GRIP1: variants seen among roughly 807,000 people sequenced by gnomAD.
GRIP1 encodes the protein glutamate receptor interacting protein 1.
In GRIP1, 45 loss-of-function variants were observed where a neutral mutation model predicts 129.9. The ratio of observed to expected loss-of-function variants is 0.35; its 90% CI spans 0.27 to 0.44. The LOEUF is 0.44. GRIP1 is among the 20% of genes least tolerant of loss of function. GRIP1 has a pLI of 1.00. For synonymous variants in GRIP1, 530 were observed against 520.8 expected (o/e 1.02, Z -0.24); for missense variants, 1,196 against 1,396.8 (o/e 0.86, Z 2.29).
At chr12:67,011,171 C>G (rs908440728) in intron 1 of GRIP1, among the ~76,000 whole-genome samples, 1 of 152,116 alleles carries the variant, frequency 6.6e-6, no homozygotes, top group South Asian at 2.1e-4. Flanking sequence ...ATCATCATCA[C>G]CTATGAATCC....
At position 67,036,204 on chromosome 12, in the gene GRIP1, G is replaced by A. The variant is rs530286397; in HGVS notation, c.58+32846C>T. 5.3e-5 allele frequency among the ~76,000 whole-genome samples: 8 copies of A among 152,222 alleles called. No individual in the cohort carries two copies. In the South Asian group the frequency reaches 1.0e-3, roughly 20 times the overall value. ...TCATCGACAAAAAAACTTAGTAGCCGAGTTTGCATTTCACGATAACTTTTA... is the reference window on the plus strand; with the variant it reads ...TCATCGACAAAAAAACTTAGTAGCCAAGTTTGCATTTCACGATAACTTTTA... On this transcript the variant is annotated intron_variant, in intron 1 of 1. Coordinates refer to the GRIP1 transcript ENST00000643019.
intron 1 of GRIP1, among the ~76,000 whole-genome samples, chr12:66,672,639 A>G (rs1272647394): frequency 6.6e-6 from 1 of 152,104 alleles, no homozygotes; most frequent in Admixed American, 6.5e-5. Flanking sequence ...AGTGGTAAGA[A>G]ACTAAAAGAG....
In GRIP1 at chr12:67,045,828, A is replaced by T. The variant is rs1020818440; in HGVS notation, c.58+23222T>A. On this transcript the variant is annotated intron_variant, in intron 1 of 1. Transcript: ENST00000643019. ...CTCCAACACAAGTCAAATGCTGGTG[A>T]CAGGGCCGGGGCTGTCAACACTTCA... Among the ~76,000 whole-genome samples the T allele has an allele frequency of 5.3e-5, 8 of 152,208 alleles. No individual in the cohort carries two copies. The East Asian group carries it at 1.5e-3, about 29-fold the overall frequency.
intron 3 of GRIP1, among the ~76,000 whole-genome samples, chr12:66,540,536 G>A (rs1444308148): frequency 6.6e-6 from 1 of 152,158 alleles, no homozygotes; most frequent in African/African-American, 2.4e-5. Flanking sequence ...AAAGCCTAAA[G>A]AAAGCAGATT....
chr12:66,620,055 T>C lies in GRIP1; in HGVS notation c.56-23128A>G, dbSNP rs188892055. 2.7e-3 allele frequency among the ~76,000 whole-genome samples: 414 copies of C among 152,268 alleles called. 1 individual carries two copies. Among genetic ancestry groups the C allele is most frequent in the African/African-American group, 9.7e-3 (402 of 41,556 alleles). On this transcript the variant is annotated intron_variant, in intron 1 of 24. Transcript: ENST00000359742. ...TCATCCATATAATACAGATAATATATGGAGATCAAAGCTCAGAGGCATTAA... is the reference window on the plus strand; with the variant it reads ...TCATCCATATAATACAGATAATATACGGAGATCAAAGCTCAGAGGCATTAA...
At chr12:66,751,416 C>T (rs542913816) in intron 1 of GRIP1, among the ~76,000 whole-genome samples, 16 of 152,116 alleles carry the variant, frequency 1.1e-4, no homozygotes, top group African/African-American at 2.9e-4. Flanking sequence ...CATTCTGTAC[C>T]CACCCAAACC....
At chr12:66,621,928 T>G (rs1386004712) in intron 1 of GRIP1, among the ~76,000 whole-genome samples, 1 of 152,168 alleles carries the variant, frequency 6.6e-6, no homozygotes, top group Non-Finnish European at 1.5e-5. Context: ...TTTGCCCATC[T>G]TTGAGTTAGG....
intron 1 of GRIP1, among the ~76,000 whole-genome samples, chr12:66,735,424 A>G (rs535615982): frequency 6.6e-6 from 1 of 152,324 alleles, no homozygotes; most frequent in South Asian, 2.1e-4. Context: ...TGTGAAGTCA[A>G]TAATAAACAC....
intron 13 of GRIP1, among the ~76,000 whole-genome samples, chr12:66,436,438 C>T (rs1440143015): frequency 6.6e-6 from 1 of 151,268 alleles, no homozygotes; most frequent in Non-Finnish European, 1.5e-5. Flanking sequence ...AAAGTAGAAA[C>T]TTCAGGTATT....
intron 1 of GRIP1, among the ~76,000 whole-genome samples, chr12:66,942,152 A>T (rs1200914225): frequency 1.3e-5 from 2 of 152,240 alleles, no homozygotes; most frequent in African/African-American, 4.8e-5. Context: ...TGATAAGATA[A>T]ATGCATTCCA....
At chr12:66,387,895 G>T (rs2056421946) in intron 19 of GRIP1, among the ~76,000 whole-genome samples, 1 of 152,026 alleles carries the variant, frequency 6.6e-6, no homozygotes, top group Non-Finnish European at 1.5e-5. Context: ...AAATAAAGTT[G>T]GACTCTGACT....
chr12:67,064,324 C>G (rs1411989592), intron 1 of GRIP1, among the ~76,000 whole-genome samples: 1 of 152,184 alleles, frequency 6.6e-6, no homozygotes, highest in African/African-American at 2.4e-5. Context: ...TAATAAAATT[C>G]TACAAACTTC....
intron 2 of GRIP1, among the ~76,000 whole-genome samples, chr12:66,556,910 GA>G (rs567359340): frequency 6.7e-6 from 1 of 149,244 alleles, no homozygotes; most frequent in Non-Finnish European, 1.5e-5. Context: ...AGGAATGACA[GA>G]AAAAAAAATA....
Position 66,905,782 on chromosome 12 carries a change from G to A in GRIP1, c.58+163268C>T, listed in dbSNP as rs545407836. On this transcript the variant is annotated intron_variant, in intron 1 of 1. Coordinates refer to the GRIP1 transcript ENST00000643019. Reference sequence around the variant, plus strand: ...GAATGCTCTTGGCAATGCTCAGTGAGGATTTTACAAGAGTTTCTCAGGTTT... The same window carrying A: ...GAATGCTCTTGGCAATGCTCAGTGAAGATTTTACAAGAGTTTCTCAGGTTT... 4.6e-5 allele frequency among the ~76,000 whole-genome samples: 7 copies of A among 152,200 alleles called. No individual in the cohort carries two copies. The South Asian group carries it at 1.0e-3, about 23-fold the overall frequency.
intron 1 of GRIP1, among the ~76,000 whole-genome samples, chr12:66,732,590 TG>T (rs1321702728): frequency 6.6e-6 from 1 of 152,092 alleles, no homozygotes; most frequent in Non-Finnish European, 1.5e-5. Context: ...AAGACCTTTT[TG>T]ATGACACTCT....
intron 2 of GRIP1, among the ~76,000 whole-genome samples, chr12:66,579,308 G>GA (rs1308743152): frequency 6.6e-6 from 1 of 152,058 alleles, no homozygotes; most frequent in East Asian, 1.9e-4. Flanking sequence ...CAAAGATGGG[G>GA]AAAAAACAGA....
Position 66,455,506 on chromosome 12 carries a change from G to A in GRIP1, c.1257C>T (p.Ser419=), listed in dbSNP as rs781125223. The A allele has an allele frequency of 1.7e-5, 28 of 1,613,694 alleles. No individual in the cohort carries two copies. The highest frequency in any genetic ancestry group is 2.3e-5 in the Non-Finnish European group (27 of 1,179,698). ...TTCGAGGTAGAGTCCCCATGTTCAG[G>A]GAACTCAGGCTGTATGCACTCATGG... ...PTSMSAYSLS[S]LNMGTLPRSL... is the part of the protein sequence containing the mutation. Residue 419 remains serine, a synonymous_variant, in exon 11 of 25, where the codon TCC becomes TCT. Transcript: ENST00000359742.
At chr12:66,815,198 A>G (rs144840256) in intron 1 of GRIP1, among the ~76,000 whole-genome samples, 131 of 152,332 alleles carry the variant, frequency 8.6e-4, no homozygotes, top group Admixed American at 3.3e-3. Flanking sequence ...AACAAAGGAC[A>G]AGTCAAATCT....
chr12:66,684,887 C>A (rs543896169), intron 1 of GRIP1, among the ~76,000 whole-genome samples: 1 of 152,130 alleles, frequency 6.6e-6, no homozygotes, highest in Non-Finnish European at 1.5e-5. Context: ...CGAAACGAAA[C>A]AAAACTACCT....
Sources: gnomAD v4.1 joint callset for allele counts (sites outside exome capture counted in the v4.1 genomes callset) on GRCh38, gnomAD v4.1.1 for gene constraint, MANE v1.5 for transcripts, NCBI Gene and HGNC (gene_info 2026-07-23, HGNC 2026-07-21) for gene names.